Variants in ZSWIM4 observed in about 807,000 individuals in gnomAD.
The protein encoded by ZSWIM4 is zinc finger SWIM domain-containing protein 4.
Under a neutral mutation model 102.5 loss-of-function variants are expected in ZSWIM4, and 62 were observed. That is an observed-to-expected ratio of 0.60 (90% CI 0.49 to 0.75). The LOEUF is 0.75. Ranked by LOEUF, ZSWIM4 falls within the 30% of genes least tolerant of loss-of-function variation. The pLI is 0.00. For missense variants in ZSWIM4, 1,280 were observed against 1,529.6 expected (o/e 0.84, Z 2.72); for synonymous variants, 652 against 674.5 (o/e 0.97, Z 0.52).
At chr19:13,797,642 C>A (rs1173358293) in intron 1 of ZSWIM4, among the ~76,000 whole-genome samples, 2 of 122,238 alleles carry the variant, frequency 1.6e-5, no homozygotes, top group South Asian at 2.4e-4. Context: ...AAAAGAAAAT[C>A]TTTGTATTTA....
At chr19:13,829,039 C>G (rs1051289214) in intron 13 of ZSWIM4, among the ~76,000 whole-genome samples, 1 of 151,166 alleles carries the variant, frequency 6.6e-6, no homozygotes, top group East Asian at 2.0e-4. Flanking sequence ...AGGAGGTCAA[C>G]GCTACAGTTA....
At chr19:13,817,095 G>A in intron 7 of ZSWIM4, 121 bp from the exon 8 acceptor site, 1 of 1,372,514 alleles carries the variant, frequency 7.3e-7, no homozygotes, top group Non-Finnish European at 9.8e-7. Context: ...GTGACCATTG[G>A]GTGAGCAGGT....
chr19:13,806,519 G>T (rs927270031), intron 3 of ZSWIM4, among the ~76,000 whole-genome samples: 1 of 152,000 alleles, frequency 6.6e-6, no homozygotes, highest in South Asian at 2.1e-4. Flanking sequence ...ATAAACAAAA[G>T]TAGTTGGGCA....
At chr19:13,795,902 A>G (rs1974599179) in intron 1 of ZSWIM4, 101 bp downstream of exon 1, 2 of 734,876 alleles carry the variant, frequency 2.7e-6, no homozygotes. Context: ...AGCTAACCCA[A>G]TCAGAGACAC....
intron 1 of ZSWIM4, chr19:13,796,814 C>T (rs1053397386): frequency 3.9e-5 from 6 of 152,274 alleles, no homozygotes; most frequent in Non-Finnish European, 7.3e-5. Context: ...GAAGCACACA[C>T]GGGCTCTATC....
chr19:13,804,646 C>CAA (rs55747876), intron 2 of ZSWIM4, 146 bp from the exon 3 acceptor site: 436 of 576,470 alleles, frequency 7.6e-4, no homozygotes, highest in Non-Finnish European at 9.0e-4. Flanking sequence ...GATTTTGTTT[C>CAA]AAAAAAAAAA....
intron 10 of ZSWIM4, among the ~76,000 whole-genome samples, chr19:13,821,167 C>T (rs1568341688): frequency 6.6e-6 from 1 of 151,896 alleles, no homozygotes; most frequent in Admixed American, 6.6e-5. Context: ...ACCTGTAATC[C>T]CAGCTACTCC....
Position 13,804,927 on chromosome 19 carries a change from A to G in ZSWIM4, c.491A>G (p.Tyr164Cys). The change falls in exon 3 of 14, where the codon TAC becomes TGC. Residue 164 changes from tyrosine to cysteine, a missense_variant. Coordinates refer to ENST00000590508, the MANE Select transcript of ZSWIM4 (RefSeq NM_001367834.3). ...SCGCDNRDLFYCAHVVALSLY... is the reference protein window; with the variant it reads ...SCGCDNRDLFCCAHVVALSLY... ...GGCTGTGACAACCGCGACCTCTTCTACTGTGCCCACGTGGTGGCCCTGTCC... is the reference window on the plus strand; with the variant it reads ...GGCTGTGACAACCGCGACCTCTTCTGCTGTGCCCACGTGGTGGCCCTGTCC... 5 of 1,613,380 alleles carry G rather than the reference A, an allele frequency of 3.1e-6. No individual in the cohort carries two copies. The highest frequency in any genetic ancestry group is 4.2e-6 in the Non-Finnish European group (5 of 1,179,994).
intron 13 of ZSWIM4, among the ~76,000 whole-genome samples, chr19:13,829,424 C>T (rs1426468585): frequency 6.6e-6 from 1 of 152,134 alleles, no homozygotes; most frequent in African/African-American, 2.4e-5. Flanking sequence ...AACCCCATCT[C>T]TACTAAAAAT....
chr19:13,821,985 C>T (rs1295285208), intron 10 of ZSWIM4, among the ~76,000 whole-genome samples: 6 of 152,126 alleles, frequency 3.9e-5, no homozygotes, highest in Non-Finnish European at 7.4e-5. Context: ...ATCCACCCAC[C>T]TCAGCCTCCC....
intron 6 of ZSWIM4, 29 bp downstream of exon 6, chr19:13,813,193 C>T (rs1463813647): frequency 6.4e-7 from 1 of 1,570,268 alleles, no homozygotes; most frequent in African/African-American, 1.4e-5. Context: ...TACCATGCCC[C>T]CCAAAAACCA....
chr19:13,810,557 C>G (rs181642614), intron 5 of ZSWIM4, among the ~76,000 whole-genome samples: 2 of 152,076 alleles, frequency 1.3e-5, no homozygotes, highest in African/African-American at 4.8e-5. Context: ...TCCCAAAGTG[C>G]TGGGATTACA....
chr19:13,805,104 C>T lies in ZSWIM4; in HGVS notation c.668C>T (p.Ala223Val). 6.2e-7 allele frequency: 1 copy of T among 1,602,806 alleles called. No individual in the cohort carries two copies. Residue 223 changes from alanine (A) to valine (V), a missense_variant, in exon 3 of 14, where the codon GCT becomes GTT. Ala to Val is a moderately conservative substitution (Grantham distance 64). Transcript: ENST00000590508. ...TEVLPTAQRL[A>V]DEILLLGSEI... ...GTGCTGCCCACTGCTCAGCGCTTGG[C>T]TGATGAGATCCTCCTGCTGGGCTCC...
Position 13,830,678 on chromosome 19 carries a change from C to T in ZSWIM4, c.2949C>T (p.Val983=), listed in dbSNP as rs773705187. 5 of 1,605,268 alleles carry T rather than the reference C, an allele frequency of 3.1e-6. No homozygotes were observed. The highest frequency in any genetic ancestry group is 4.2e-6 in the Non-Finnish European group (5 of 1,179,414). ...GCCGGCACGAGCTCTCTGCCATCGT[C>T]CCCCTCATCATTCGCAGCATCCACT... ...SLGRHELSAI[V]PLIIRSIHCA... The change falls in exon 14 of 14, where the codon GTC becomes GTT. Residue 983 remains valine, a synonymous_variant. Transcript: ENST00000590508.
Position 13,817,831 on chromosome 19 carries a change from G to A in ZSWIM4, c.1779G>A (p.Gly593=). ...TGGAGGTGGCACTGCTGGGGCTGGG[G>A]CAGCAGCGGGCCCTGCCGGAGGGGC... The part of the protein sequence containing the change: ...LALEVALLGL[G]QQRALPEGLY... The change falls in exon 9 of 14, where the codon GGG becomes GGA. Residue 593 remains glycine (G), a synonymous_variant. Coordinates refer to ENST00000590508, the MANE Select transcript of ZSWIM4 (RefSeq NM_001367834.3). 1 of 1,570,394 alleles carries A rather than the reference G, an allele frequency of 6.4e-7. No individual in the cohort carries two copies. Among genetic ancestry groups the A allele is most frequent in the Non-Finnish European group, 8.6e-7 (1 of 1,158,234 alleles).
chr19:13,831,726 G>A lies in ZSWIM4; in HGVS notation c.*676G>A, dbSNP rs374634340. 99 of 152,686 alleles carry A rather than the reference G, an allele frequency of 6.5e-4. No individual in the cohort carries two copies. The highest frequency in any genetic ancestry group is 2.1e-3 in the African/African-American group (88 of 41,512). The allele number at this position is 152,686 out of a possible 1,614,324, so 9.5% of individuals were successfully genotyped here. On this transcript the variant is annotated 3_prime_UTR_variant, in exon 14 of 14. Transcript: ENST00000590508. ...TGGACGTACAACTCAGGAACTGAGC[G>A]AGGCTCACACTGCCCCTTCCAACCT...
In ZSWIM4 at chr19:13,830,812, C is replaced by T. The variant is rs201791169; in HGVS notation, c.3083C>T (p.Pro1028Leu). 1.1e-4 allele frequency: 181 copies of T among 1,605,292 alleles called. No individual in the cohort carries two copies. The highest frequency in any genetic ancestry group is 1.4e-4 in the Non-Finnish European group (162 of 1,174,882). Residue 1028 changes from proline (P) to leucine (L), a missense_variant, in exon 14 of 14, where the codon CCG becomes CTG. Physicochemically the swap from Pro to Leu is moderately conservative, Grantham distance 98. Coordinates refer to ENST00000590508, the MANE Select transcript of ZSWIM4 (RefSeq NM_001367834.3). The stretch of plus-strand genomic sequence containing the variant: ...AAGCCACTGGGTGCCGACCGGGCGC[C>T]GCTCTGCCAGCTCCTGGACGCGGCA... ...AAKPLGADRA[P>L]LCQLLDAAVT...
intron 10 of ZSWIM4, among the ~76,000 whole-genome samples, chr19:13,822,542 C>A (rs1033671628): frequency 1.3e-5 from 2 of 152,158 alleles, no homozygotes; most frequent in Non-Finnish European, 2.9e-5. Flanking sequence ...AGAATTAAGT[C>A]ATTGAAATAC....
chr19:13,810,502 A>T (rs1975049342), intron 5 of ZSWIM4, among the ~76,000 whole-genome samples: 2 of 151,494 alleles, frequency 1.3e-5, no homozygotes, highest in South Asian at 4.2e-4. Context: ...CATGTTGATC[A>T]GGCTGGTCTC....
Sources: allele counts gnomAD v4.1 joint callset (sites outside exome capture counted in the v4.1 genomes callset), GRCh38; gene constraint gnomAD v4.1.1; transcripts MANE v1.5; gene names NCBI Gene and HGNC (gene_info 2026-07-23, HGNC 2026-07-21).